Variants in NDUFS4 observed in about 807,000 individuals in gnomAD.
The protein encoded by NDUFS4 is NADH:ubiquinone oxidoreductase subunit S4.
Under a neutral mutation model 24.3 loss-of-function variants are expected in NDUFS4, and 28 were observed. The ratio of observed to expected loss-of-function variants is 1.15; its 90% CI spans 0.85 to 1.58. NDUFS4 has a LOEUF of 1.58. Ranked by LOEUF, NDUFS4 falls within the 40% of genes most tolerant of loss-of-function variation. NDUFS4 has a pLI of 0.00. For synonymous variants in NDUFS4, 93 were observed against 69.7 expected (o/e 1.34, Z -1.67); for missense variants, 223 against 207.9 (o/e 1.07, Z -0.45).
At chr5:53,658,311 G>T (rs1044657793) in intron 3 of NDUFS4, among the ~76,000 whole-genome samples, 1 of 151,888 alleles carries the variant, frequency 6.6e-6, no homozygotes, top group African/African-American at 2.4e-5. Context: ...AATTATTAAA[G>T]ACTAACAATG....
At chr5:53,599,555 G>T (rs1468286284) in intron 1 of NDUFS4, among the ~76,000 whole-genome samples, 4 of 151,998 alleles carry the variant, frequency 2.6e-5, no homozygotes, top group African/African-American at 9.7e-5. Context: ...ATCTTTTTTG[G>T]ATAAATGTTT....
At chr5:53,597,514 A>G (rs115847844) in intron 1 of NDUFS4, among the ~76,000 whole-genome samples, 1,676 of 152,334 alleles carry the variant, frequency 0.011, 6 homozygotes, top group Middle Eastern at 0.017. Context: ...CAAAAGGGAC[A>G]TAGTATTAGT....
chr5:53,639,306 A>C (rs908093818), intron 2 of NDUFS4, among the ~76,000 whole-genome samples: 1 of 151,930 alleles, frequency 6.6e-6, no homozygotes, highest in Non-Finnish European at 1.5e-5. Flanking sequence ...TGATTTCTAG[A>C]AACATGCTTC....
In NDUFS4 at chr5:53,615,457, A is replaced by G. The variant is rs142892067; in HGVS notation, c.177+11927A>G. ...AAACTTTGATTCTATTTCTGTGTTC[A>G]GGTTTTCTAATTTTATATGACCTAG... On this transcript the variant is annotated intron_variant, in intron 2 of 4. Coordinates refer to ENST00000296684, the MANE Select transcript of NDUFS4 (RefSeq NM_002495.4). Among the ~76,000 whole-genome samples, 5 of 152,148 alleles carry G rather than the reference A, an allele frequency of 3.3e-5. No individual in the cohort carries two copies. The East Asian group carries it at 5.8e-4, about 18-fold the overall frequency.
chr5:53,575,245 C>T (rs1028464543), intron 1 of NDUFS4, among the ~76,000 whole-genome samples: 6 of 152,172 alleles, frequency 3.9e-5, no homozygotes, highest in African/African-American at 1.2e-4. Flanking sequence ...TTCAGACTCA[C>T]TGCTAGTTCA....
At chr5:53,642,248 G>A (rs998411096) in intron 2 of NDUFS4, among the ~76,000 whole-genome samples, 7 of 152,116 alleles carry the variant, frequency 4.6e-5, no homozygotes, top group African/African-American at 1.4e-4. Context: ...GTGAAATGGT[G>A]CCAAAAAGGA....
chr5:53,595,508 T>C, intron 1 of NDUFS4, among the ~76,000 whole-genome samples: 1 of 152,210 alleles, frequency 6.6e-6, no homozygotes. Context: ...TTTTGTAATA[T>C]AATTACTGTC....
At position 53,577,013 on chromosome 5, in the gene NDUFS4, A is replaced by T. The variant is rs1398131372; in HGVS notation, c.98+16253A>T. Reference sequence around the variant, plus strand: ...TTTCTCGGGGTTTGTGTAGGGCTTCACCTTAGTTTGTCTTCTCCTTGAGTA... The same window carrying T: ...TTTCTCGGGGTTTGTGTAGGGCTTCTCCTTAGTTTGTCTTCTCCTTGAGTA... On this transcript the variant is annotated intron_variant, in intron 1 of 4. Transcript: ENST00000296684. Among the ~76,000 whole-genome samples the T allele has an allele frequency of 2.0e-5, 3 of 152,080 alleles. No individual in the cohort carries two copies. In the East Asian group the frequency reaches 5.8e-4, roughly 29 times the overall value.
intron 3 of NDUFS4, among the ~76,000 whole-genome samples, chr5:53,649,592 A>T (rs1751960585): frequency 6.6e-6 from 1 of 152,076 alleles, no homozygotes. Flanking sequence ...ACATTTCTTT[A>T]TCCAATCCAT....
At chr5:53,613,579 A>G (rs1442587495) in intron 2 of NDUFS4, among the ~76,000 whole-genome samples, 1 of 149,044 alleles carries the variant, frequency 6.7e-6, no homozygotes, top group Admixed American at 6.7e-5. Flanking sequence ...GTTGCAATAA[A>G]TTTTGTTTTA....
At chr5:53,645,083 T>C (rs1290696433) in intron 2 of NDUFS4, among the ~76,000 whole-genome samples, 4 of 152,108 alleles carry the variant, frequency 2.6e-5, no homozygotes, top group African/African-American at 9.7e-5. Flanking sequence ...GACATAAAAA[T>C]TCACAGACGT....
intron 1 of NDUFS4, among the ~76,000 whole-genome samples, chr5:53,574,809 A>G (rs905645876): frequency 3.3e-5 from 5 of 151,908 alleles, no homozygotes; most frequent in Admixed American, 6.6e-5. Context: ...GGAGAACCCA[A>G]TTCCCTGGGG....
chr5:53,592,977 A>T (rs1040970803), intron 1 of NDUFS4, among the ~76,000 whole-genome samples: 3 of 152,142 alleles, frequency 2.0e-5, no homozygotes, highest in Admixed American at 6.5e-5. Context: ...TTTTGCATCT[A>T]TATTTATAAG....
intron 2 of NDUFS4, among the ~76,000 whole-genome samples, chr5:53,607,582 T>C (rs929963915): frequency 5.3e-5 from 8 of 152,216 alleles, no homozygotes; most frequent in African/African-American, 1.7e-4. Context: ...GGAATATCTA[T>C]ATACCTCTAT....
chr5:53,561,862 A>G (rs558597112), intron 1 of NDUFS4, among the ~76,000 whole-genome samples: 62 of 152,324 alleles, frequency 4.1e-4, no homozygotes, highest in Middle Eastern at 6.8e-3. Context: ...TCCGTGGCTT[A>G]TGAAAAGGCT....
chr5:53,649,334 C>T (rs1446466771), intron 3 of NDUFS4, among the ~76,000 whole-genome samples: 1 of 152,120 alleles, frequency 6.6e-6, no homozygotes, highest in Non-Finnish European at 1.5e-5. Flanking sequence ...GCCCAGCAGG[C>T]AGTTTTTCAA....
At chr5:53,582,911 A>AT (rs1749619494) in intron 1 of NDUFS4, among the ~76,000 whole-genome samples, 1 of 151,944 alleles carries the variant, frequency 6.6e-6, no homozygotes, top group African/African-American at 2.4e-5. Flanking sequence ...TATAGCATAT[A>AT]TTTTTTTTGA....
intron 2 of NDUFS4, among the ~76,000 whole-genome samples, chr5:53,645,689 A>T (rs1751840833): frequency 6.6e-6 from 1 of 152,220 alleles, no homozygotes; most frequent in Non-Finnish European, 1.5e-5. Context: ...TCACAATGCT[A>T]ATTAAAGTTG....
intron 1 of NDUFS4, among the ~76,000 whole-genome samples, chr5:53,586,744 T>C (rs1579840120): frequency 6.6e-6 from 1 of 151,774 alleles, no homozygotes; most frequent in Non-Finnish European, 1.5e-5. Context: ...AGGATGGTCT[T>C]GATCTCCTGA....
Sources: allele counts gnomAD v4.1 joint callset (sites outside exome capture counted in the v4.1 genomes callset), GRCh38; gene constraint gnomAD v4.1.1; transcripts MANE v1.5; gene names NCBI Gene and HGNC (gene_info 2026-07-23, HGNC 2026-07-21).